PLEKHA5: variants seen among roughly 807,000 people sequenced by gnomAD.
PLEKHA5 encodes the protein pleckstrin homology domain-containing family A member 5.
In PLEKHA5, 55 loss-of-function variants were observed where a neutral mutation model predicts 181.9. That is an observed-to-expected ratio of 0.30 (90% CI 0.24 to 0.38). The LOEUF (loss-of-function observed/expected upper bound fraction) is 0.38, where lower values mean the gene tolerates loss of function less well. Ranked by LOEUF, PLEKHA5 falls within the 10% of genes least tolerant of loss-of-function variation. The pLI, the probability that PLEKHA5 is intolerant of heterozygous loss-of-function variation, is 1.00. For synonymous variants in PLEKHA5, 535 were observed against 529.4 expected, an observed-to-expected ratio of 1.01 and a Z score of -0.15; for missense variants, 1,432 against 1,549.5, an observed-to-expected ratio of 0.92 and a Z score of 1.27.
At chr12:19,236,609 T>G (rs1466461081) in intron 3 of PLEKHA5, among the ~76,000 whole-genome samples, 1 of 152,196 alleles carries the variant, frequency 6.6e-6, no homozygotes, top group African/African-American at 2.4e-5. Context: ...GCTTACAGTT[T>G]AAACAAGAAA....
At chr12:19,356,662 C>T (rs113644114) in intron 26 of PLEKHA5, among the ~76,000 whole-genome samples, 92 of 99,792 alleles carry the variant, frequency 9.2e-4, no homozygotes, top group South Asian at 1.8e-3. Flanking sequence ...AGTTGTTTTT[C>T]TTTTTTTTTT....
chr12:19,341,402 T>C, intron 21 of PLEKHA5, among the ~76,000 whole-genome samples: 1 of 152,314 alleles, frequency 6.6e-6, no homozygotes, highest in Middle Eastern at 3.4e-3. Flanking sequence ...TATACATATA[T>C]ATATCTTTTA....
rs371941885 is a variant in PLEKHA5, at chr12:19,240,309, T to C, written c.228-13631T>C. On this transcript the variant is annotated intron_variant, in intron 3 of 31. Transcript: ENST00000429027. Reference sequence around the variant, plus strand: ...ATTTGGTTAACTTTCTAAAGTGGAGTGTGACCACACGCAAAAGAGTGGATA... The same window carrying C: ...ATTTGGTTAACTTTCTAAAGTGGAGCGTGACCACACGCAAAAGAGTGGATA... Among the ~76,000 whole-genome samples the C allele has an allele frequency of 6.6e-5, 10 of 152,276 alleles. No homozygotes were observed. In the East Asian group the frequency reaches 1.7e-3, roughly 26 times the overall value.
intron 7 of PLEKHA5, 94 bp downstream of exon 7, chr12:19,261,115 G>A (rs936548596): frequency 1.6e-6 from 1 of 615,114 alleles, no homozygotes; most frequent in Admixed American, 2.4e-5. Flanking sequence ...GTAACTCTGT[G>A]TGCTATTTTA....
chr12:19,190,472 G>A (rs2050844829), intron 3 of PLEKHA5, among the ~76,000 whole-genome samples: 1 of 152,214 alleles, frequency 6.6e-6, no homozygotes, highest in South Asian at 2.1e-4. Context: ...TGTACTACAT[G>A]TGTGGCCCTC....
At chr12:19,293,406 C>T (rs910402238) in intron 15 of PLEKHA5, among the ~76,000 whole-genome samples, 10 of 151,998 alleles carry the variant, frequency 6.6e-5, no homozygotes, top group Non-Finnish European at 1.2e-4. Context: ...TTCATGTATC[C>T]GAATTCCAGA....
chr12:19,185,842 C>G (rs1222023330), intron 3 of PLEKHA5, among the ~76,000 whole-genome samples: 1 of 152,130 alleles, frequency 6.6e-6, no homozygotes, highest in African/African-American at 2.4e-5. Flanking sequence ...TAATTAATAA[C>G]ACACACATAC....
At chr12:19,195,273 C>T (rs979671744) in intron 3 of PLEKHA5, among the ~76,000 whole-genome samples, 1 of 152,132 alleles carries the variant, frequency 6.6e-6, no homozygotes, top group African/African-American at 2.4e-5. Flanking sequence ...TTTCCTTTCC[C>T]TTCCTCCCAC....
chr12:19,234,091 AGT>A (rs2061031506), intron 3 of PLEKHA5, among the ~76,000 whole-genome samples: 1 of 152,232 alleles, frequency 6.6e-6, no homozygotes, highest in Non-Finnish European at 1.5e-5. Context: ...TTAAATGAAT[AGT>A]TTCTCTTTAA....
chr12:19,146,437 G>C (rs990290331), intron 3 of PLEKHA5, among the ~76,000 whole-genome samples: 1 of 152,136 alleles, frequency 6.6e-6, no homozygotes, highest in African/African-American at 2.4e-5. Flanking sequence ...ATCTAGGCCA[G>C]TTAGCTTAGT....
At position 19,287,576 on chromosome 12, in the gene PLEKHA5, A is replaced by C. The variant is rs963475998; in HGVS notation, c.1863+20A>C. On this transcript the variant is annotated intron_variant, in intron 13 of 31. Coordinates refer to ENST00000429027, the MANE Select transcript of PLEKHA5 (RefSeq NM_001256470.2). ...AAAACGGTGAGTAATATCTTTATTT[A>C]CCATACCATGTTTTATTTATGTGCT... is the stretch of plus-strand genomic sequence containing the variant. 1.5e-6 allele frequency: 2 copies of C among 1,321,684 alleles called. No homozygotes were observed. The highest frequency in any genetic ancestry group is 1.8e-5 in the Admixed American group (1 of 54,920). The allele number at this position is 1,321,684 out of a possible 1,614,324, so 81.9% of individuals were successfully genotyped here. A position where few individuals can be genotyped will look rare whatever the true frequency, so the allele number is the denominator to read the frequency against.
intron 15 of PLEKHA5, among the ~76,000 whole-genome samples, chr12:19,301,115 A>G (rs1349701697): frequency 2.0e-5 from 3 of 152,124 alleles, no homozygotes; most frequent in Non-Finnish European, 4.4e-5. Context: ...GCGCCATTGC[A>G]TTCCAGCCTG....
chr12:19,211,846 T>C (rs2056965009), intron 3 of PLEKHA5, among the ~76,000 whole-genome samples: 1 of 152,178 alleles, frequency 6.6e-6, no homozygotes, highest in Non-Finnish European at 1.5e-5. Context: ...TAAAGTTACT[T>C]ACCTTTTTTA....
chr12:19,176,539 G>A (rs1269235940), intron 3 of PLEKHA5: 1 of 152,102 alleles, frequency 6.6e-6, no homozygotes, highest in Non-Finnish European at 1.5e-5. Context: ...CAGTCCTCCA[G>A]CTTCAGCTTC....
intron 10 of PLEKHA5, among the ~76,000 whole-genome samples, chr12:19,273,979 C>T (rs1174266405): frequency 6.6e-6 from 1 of 152,202 alleles, no homozygotes; most frequent in Non-Finnish European, 1.5e-5. Context: ...CATGTGCAGT[C>T]AGACTCCAAG....
chr12:19,245,943 A>G (rs2063631260), intron 3 of PLEKHA5, among the ~76,000 whole-genome samples: 2 of 148,004 alleles, frequency 1.4e-5, no homozygotes, highest in Admixed American at 1.3e-4. Flanking sequence ...TTCTTTCCGT[A>G]TGTGGTTTAA....
intron 20 of PLEKHA5, among the ~76,000 whole-genome samples, chr12:19,329,544 T>C (rs558066196): frequency 1.3e-5 from 2 of 152,326 alleles, no homozygotes; most frequent in East Asian, 3.9e-4. Context: ...TTTCAGTTTC[T>C]TCCTGATTCA....
intron 3 of PLEKHA5, 137 bp downstream of exon 3, chr12:19,132,587 G>A (rs376187829): frequency 3.5e-6 from 2 of 565,534 alleles, no homozygotes; most frequent in Non-Finnish European, 6.2e-6. Flanking sequence ...TCTTTATTTT[G>A]TATAGTGTCA....
At chr12:19,285,676 C>G (rs1179235180) in intron 12 of PLEKHA5, among the ~76,000 whole-genome samples, 1 of 152,190 alleles carries the variant, frequency 6.6e-6, no homozygotes, top group Non-Finnish European at 1.5e-5. Context: ...TGCTAGTGGT[C>G]ATTGTAGCCC....
Sources: gnomAD v4.1 joint callset for allele counts (sites outside exome capture counted in the v4.1 genomes callset) on GRCh38, gnomAD v4.1.1 for gene constraint, MANE v1.5 for transcripts, NCBI Gene and HGNC (gene_info 2026-07-23, HGNC 2026-07-21) for gene names.